TFEB: variants seen among roughly 807,000 people sequenced by gnomAD.
TFEB encodes the protein T-cell transcription factor EB.
TFEB carries 12 observed loss-of-function variants against 48.0 expected under a neutral mutation model. The ratio of observed to expected loss-of-function variants is 0.25; its 90% CI spans 0.16 to 0.40. The LOEUF (loss-of-function observed/expected upper bound fraction) is 0.40, where lower values mean the gene tolerates loss of function less well. Ranked by LOEUF, TFEB falls within the 10% of genes least tolerant of loss-of-function variation. The pLI, the probability that TFEB is intolerant of heterozygous loss-of-function variation, is 1.00. For missense variants in TFEB, 509 were observed against 640.3 expected (o/e 0.79, Z 2.21); for synonymous variants, 244 against 261.4 (o/e 0.93, Z 0.64).
At chr6:41,697,505 C>T (rs191165418) in intron 1 of TFEB, among the ~76,000 whole-genome samples, 2 of 135,866 alleles carry the variant, frequency 1.5e-5, no homozygotes, top group Non-Finnish European at 3.3e-5. Flanking sequence ...TTCTCCAAAC[C>T]CCCCCCCTTC....
intron 1 of TFEB, chr6:41,732,876 G>A: frequency 1.0e-6 from 1 of 985,734 alleles, no homozygotes; most frequent in Non-Finnish European, 1.2e-6. Flanking sequence ...CCCAAGCCAG[G>A]CCCCAAGTGC....
intron 1 of TFEB, among the ~76,000 whole-genome samples, chr6:41,715,119 C>A (rs966724551): frequency 6.6e-6 from 1 of 152,144 alleles, no homozygotes; most frequent in East Asian, 1.9e-4. Flanking sequence ...GGGCCTCCCC[C>A]ACGCTCCCAG....
intron 1 of TFEB, chr6:41,733,539 C>T (rs1383823422): frequency 3.5e-6 from 3 of 863,674 alleles, no homozygotes; most frequent in Non-Finnish European, 4.2e-6. Flanking sequence ...CAGCTCTGCC[C>T]TTCATTTACA....
Position 41,723,468 on chromosome 6 carries a change from AG to A in TFEB, c.-23+11881del. On this transcript the variant is annotated intron_variant, in intron 1 of 8. Coordinates refer to ENST00000373033, the MANE Select transcript of TFEB (RefSeq NM_001271944.2). The surrounding 1 kb of genome is among the most constrained non-coding windows in gnomAD (Gnocchi z 6.0). Reference sequence around the variant, plus strand: ...ACGCGTGTGCTCTCATACCTTCGAGAGGGCAGCCCCCTGGAAGGAGGCCCCT... The same window carrying A: ...ACGCGTGTGCTCTCATACCTTCGAGAGGCAGCCCCCTGGAAGGAGGCCCCT... The A allele has an allele frequency of 7.8e-7, 1 of 1,288,832 alleles. No homozygotes were observed. The highest frequency in any genetic ancestry group is 1.0e-6 in the Non-Finnish European group (1 of 988,284). The allele number at this position is 1,288,832 out of a possible 1,614,324, so 79.8% of individuals were successfully genotyped here. A position where few individuals can be genotyped will look rare whatever the true frequency, so the allele number is the denominator to read the frequency against.
At chr6:41,712,221 C>CA (rs1004536611) in intron 1 of TFEB, among the ~76,000 whole-genome samples, 11 of 152,210 alleles carry the variant, frequency 7.2e-5, no homozygotes, top group Admixed American at 2.6e-4. Context: ...CACAAGCACA[C>CA]AGGACTCCAA....
In TFEB at chr6:41,690,931, A is replaced by G. The variant is rs1769272590; in HGVS notation, c.214-14T>C. ...GTAGGACTGCACCTGGGAGGGGGAAAAGGCAAGGGCTCTAGGGGAGGCTGG... is the reference window on the plus strand; with the variant it reads ...GTAGGACTGCACCTGGGAGGGGGAAGAGGCAAGGGCTCTAGGGGAGGCTGG... On this transcript the variant is annotated splice_polypyrimidine_tract_variant and intron_variant, in intron 2 of 8. Transcript: ENST00000373033. 1.3e-6 allele frequency: 2 copies of G among 1,575,716 alleles called. No homozygotes were observed. The highest frequency in any genetic ancestry group is 1.7e-6 in the Non-Finnish European group (2 of 1,155,180).
intron 1 of TFEB, among the ~76,000 whole-genome samples, chr6:41,699,354 C>T (rs188032607): frequency 3.9e-4 from 59 of 152,328 alleles, no homozygotes; most frequent in Admixed American, 3.4e-3. Flanking sequence ...ATCCATTCAC[C>T]CATTCATTCA....
At chr6:41,729,409 G>A (rs936857124) in intron 1 of TFEB, among the ~76,000 whole-genome samples, 3 of 152,182 alleles carry the variant, frequency 2.0e-5, no homozygotes, top group African/African-American at 7.2e-5. Context: ...CAACAACTAC[G>A]ATTCAAGCTG....
At chr6:41,689,671 A>G (rs1483470262) in intron 4 of TFEB, 60 bp downstream of exon 4, 2 of 1,380,352 alleles carry the variant, frequency 1.4e-6, no homozygotes, top group African/African-American at 2.8e-5. Context: ...GCTCAGAGCC[A>G]CAGTGGGTGC....
At chr6:41,694,321 A>ACAC (rs1769468759) in intron 1 of TFEB, among the ~76,000 whole-genome samples, 1 of 152,098 alleles carries the variant, frequency 6.6e-6, no homozygotes, top group Non-Finnish European at 1.5e-5. Context: ...GGAGAAGTGG[A>ACAC]CACAGTGAGG....
chr6:41,685,600 G>A (rs1399956062), intron 8 of TFEB, among the ~76,000 whole-genome samples: 3 of 152,204 alleles, frequency 2.0e-5, no homozygotes, highest in African/African-American at 7.2e-5. Context: ...CAGCTGGTAG[G>A]GCTGACTCTG....
At position 41,697,691 on chromosome 6, in the gene TFEB, C is replaced by T. The variant is rs1392189481; in HGVS notation, c.-22-6456G>A. Among the ~76,000 whole-genome samples, 4 of 152,118 alleles carry T rather than the reference C, an allele frequency of 2.6e-5. No homozygotes were observed. The East Asian group carries it at 7.7e-4, about 29-fold the overall frequency. On this transcript the variant is annotated intron_variant, in intron 1 of 8. Coordinates refer to ENST00000373033, the MANE Select transcript of TFEB (RefSeq NM_001271944.2). Reference sequence around the variant, plus strand: ...CATAGATGCAGAAAAGGATGTTGTGCATAAAGATGCACTTCACATTATATG... The same window carrying T: ...CATAGATGCAGAAAAGGATGTTGTGTATAAAGATGCACTTCACATTATATG...
Position 41,690,767 on chromosome 6 carries a change from A to AGGC in TFEB, c.361_363dup (p.Ala121dup). The AGGC allele has an allele frequency of 1.2e-6, 2 of 1,610,234 alleles. No individual in the cohort carries two copies. ...ACGTGTCCAGCTCGCACCCCTGGGG[A>AGGC]GGCGGCTGGTGGGGGTTTCGGAGAG... On this transcript the variant is annotated inframe_insertion, in exon 3 of 9. Coordinates refer to ENST00000373033, the MANE Select transcript of TFEB (RefSeq NM_001271944.2).
intron 1 of TFEB, among the ~76,000 whole-genome samples, chr6:41,710,197 G>C (rs547004753): frequency 6.6e-6 from 1 of 152,284 alleles, no homozygotes; most frequent in East Asian, 1.9e-4. Context: ...CACATAACTG[G>C]GGCAGAGTCA....
In TFEB at chr6:41,691,254, AGCAGGTATATGAG is replaced by A; in HGVS notation, c.-22-32_-22-20del. ...TGGCTCCCTGTGGATGAGAAGGGGC[AGCAGGTATATGAG>A]GCACGTGTCCTCCTCAAAGCACAGG... is the stretch of plus-strand genomic sequence containing the variant. On this transcript the variant is annotated intron_variant, in intron 1 of 8. Transcript: ENST00000373033. This position sits in a 1 kb window ranked among gnomAD's most constrained non-coding sequence, Gnocchi z 5.2. The A allele has an allele frequency of 7.1e-6, 11 of 1,555,542 alleles. No individual in the cohort carries two copies. Among genetic ancestry groups the A allele is most frequent in the Non-Finnish European group, 8.7e-6 (10 of 1,148,322 alleles).
chr6:41,701,283 C>T (rs1051503103), intron 1 of TFEB, among the ~76,000 whole-genome samples: 1 of 152,198 alleles, frequency 6.6e-6, no homozygotes, highest in Non-Finnish European at 1.5e-5. Context: ...ACCCCTTGTG[C>T]CCCTGCACCC....
intron 1 of TFEB, among the ~76,000 whole-genome samples, chr6:41,701,670 C>T (rs912018918): frequency 3.3e-5 from 5 of 152,172 alleles, no homozygotes; most frequent in Admixed American, 3.3e-4. Flanking sequence ...GTAGGCCAGG[C>T]GCAGTGGCTC....
chr6:41,719,901 GCTT>G (rs1770904869), intron 1 of TFEB, among the ~76,000 whole-genome samples: 1 of 151,822 alleles, frequency 6.6e-6, no homozygotes, highest in African/African-American at 2.4e-5. Context: ...CTGGGCCTCA[GCTT>G]CCTGAGGCCC....
chr6:41,688,716 C>G (rs1769140929), intron 4 of TFEB, among the ~76,000 whole-genome samples: 1 of 152,164 alleles, frequency 6.6e-6, no homozygotes, highest in Non-Finnish European at 1.5e-5. Context: ...CACTTGCATC[C>G]TCCCTCCCTC....
Sources: allele counts gnomAD v4.1 joint callset (sites outside exome capture counted in the v4.1 genomes callset), GRCh38; gene constraint gnomAD v4.1.1; non-coding constraint Gnocchi (gnomAD v3.1); transcripts MANE v1.5; gene names NCBI Gene and HGNC (gene_info 2026-07-23, HGNC 2026-07-21).